RILPL1: variants seen among roughly 807,000 people sequenced by gnomAD.
RILPL1 encodes the protein RILP-like protein 1.
Under a neutral mutation model 50.3 loss-of-function variants are expected in RILPL1, and 33 were observed. The ratio of observed to expected loss-of-function variants is 0.66; its 90% confidence interval spans 0.50 to 0.88. RILPL1 has a LOEUF of 0.88. RILPL1 is among the 40% of genes least tolerant of loss of function. The pLI, the probability that RILPL1 is intolerant of heterozygous loss-of-function variation, is 0.00. For missense variants in RILPL1, 418 were observed against 542.5 expected, an observed-to-expected ratio of 0.77 and a Z score of 2.28; for synonymous variants, 205 against 228.6, an observed-to-expected ratio of 0.90 and a Z score of 0.93.
At chr12:123,501,759 C>CA (rs71088919) in intron 2 of RILPL1, among the ~76,000 whole-genome samples, 303 of 110,756 alleles carry the variant, frequency 2.7e-3, no homozygotes, top group African/African-American at 9.8e-3. Context: ...GACTCTGTCT[C>CA]AAAAAAAAAA....
At chr12:123,521,609 AC>A (rs1885029988) in intron 2 of RILPL1, among the ~76,000 whole-genome samples, 2 of 53,696 alleles carry the variant, frequency 3.7e-5, no homozygotes, top group African/African-American at 8.3e-5. Context: ...ATATATATAC[AC>A]ACATATGTGT....
chr12:123,513,592 C>T (rs972270539), intron 2 of RILPL1: 10 of 176,138 alleles, frequency 5.7e-5, no homozygotes, highest in African/African-American at 1.7e-4. Context: ...GGCCTGTGCA[C>T]GCTTCATCGA....
intron 2 of RILPL1, among the ~76,000 whole-genome samples, chr12:123,514,948 A>G (rs79029015): frequency 6.6e-6 from 1 of 150,856 alleles, no homozygotes. Flanking sequence ...TTTTTTTTTA[A>G]GAGACAGGGT....
chr12:123,478,429 G>A (rs1008247118), intron 6 of RILPL1, among the ~76,000 whole-genome samples: 2 of 152,032 alleles, frequency 1.3e-5, no homozygotes, highest in Non-Finnish European at 2.9e-5. Context: ...GTTTTGGCCC[G>A]AAGTTTGTCT....
Position 123,487,598 on chromosome 12 carries a change from C to T in RILPL1, c.802-1793G>A, listed in dbSNP as rs532487368. 1.5e-4 allele frequency among the ~76,000 whole-genome samples: 23 copies of T among 152,306 alleles called. No individual in the cohort carries two copies. The South Asian group carries it at 4.3e-3, about 29-fold the overall frequency. ...CTGGGATTACAGGGGTGGGCCACCC[C>T]GCCAGCTCACTTCACTCCTTTTGAT... On this transcript the variant is annotated intron_variant, in intron 4 of 6. Coordinates refer to ENST00000376874, the MANE Select transcript of RILPL1 (RefSeq NM_178314.5).
chr12:123,473,636 C>T (rs548037412), intron 6 of RILPL1: 107 of 152,028 alleles, frequency 7.0e-4, no homozygotes, highest in African/African-American at 2.4e-3. Flanking sequence ...GCCTTTAGGC[C>T]GTATCACTGT....
chr12:123,502,160 T>G (rs1018563318), intron 2 of RILPL1, among the ~76,000 whole-genome samples: 1 of 151,808 alleles, frequency 6.6e-6, no homozygotes, highest in Non-Finnish European at 1.5e-5. Flanking sequence ...TAGTAAACTA[T>G]GTGTATTCAG....
At chr12:123,525,700 C>CAAAAA (rs1207503097) in intron 1 of RILPL1, among the ~76,000 whole-genome samples, 24 of 44,972 alleles carry the variant, frequency 5.3e-4, no homozygotes, top group South Asian at 2.5e-3. Context: ...GACACTGTCT[C>CAAAAA]AAAAAAAAAA....
At chr12:123,512,801 G>A (rs1226819999) in intron 2 of RILPL1, among the ~76,000 whole-genome samples, 18 of 146,114 alleles carry the variant, frequency 1.2e-4, no homozygotes, top group Non-Finnish European at 2.6e-4. Flanking sequence ...TTGTGTGTGT[G>A]TGTGGTGTGA....
At chr12:123,510,257 C>T (rs1884005146) in intron 2 of RILPL1, among the ~76,000 whole-genome samples, 1 of 152,232 alleles carries the variant, frequency 6.6e-6, no homozygotes, top group South Asian at 2.1e-4. Flanking sequence ...TCTCTCCTCT[C>T]TATGCCCCAG....
At position 123,498,856 on chromosome 12, in the gene RILPL1, C is replaced by G; in HGVS notation, c.580-91G>C. On this transcript the variant is annotated intron_variant, in intron 3 of 6. Coordinates refer to ENST00000376874, the MANE Select transcript of RILPL1 (RefSeq NM_178314.5). The surrounding 1 kb of genome is among the most constrained non-coding windows in gnomAD (Gnocchi z 4.3). ...AACGGCAAACCATCCATAGGTGTGC[C>G]ATTTACATTGCAGACATCTTTGTTT... is the stretch of plus-strand genomic sequence containing the variant. 1 of 1,167,368 alleles carries G rather than the reference C, an allele frequency of 8.6e-7. No homozygotes were observed. Among genetic ancestry groups the G allele is most frequent in the East Asian group, 2.4e-5 (1 of 42,490 alleles). 72.3% of individuals were successfully genotyped at this position (1,167,368 alleles called of 1,614,324 possible).
chr12:123,475,718 G>T, intron 6 of RILPL1: 1 of 1,593,170 alleles, frequency 6.3e-7, no homozygotes, highest in Non-Finnish European at 8.5e-7. Flanking sequence ...TATCAGTCCC[G>T]CTGCTACCAT....
chr12:123,482,102 G>C (rs1055125310), intron 6 of RILPL1, among the ~76,000 whole-genome samples: 1 of 151,290 alleles, frequency 6.6e-6, no homozygotes, highest in Non-Finnish European at 1.5e-5. Flanking sequence ...TTGAACTTCT[G>C]ACCTCATGAT....
chr12:123,521,458 CTTTTCCT>C (rs1385092968), intron 2 of RILPL1, among the ~76,000 whole-genome samples: 1 of 150,652 alleles, frequency 6.6e-6, no homozygotes, highest in Non-Finnish European at 1.5e-5. Context: ...CTGGATCAAA[CTTTTCCT>C]TTTTCCTTGG....
intron 2 of RILPL1, among the ~76,000 whole-genome samples, chr12:123,514,903 T>C (rs1292150890): frequency 6.6e-6 from 1 of 151,774 alleles, no homozygotes; most frequent in Non-Finnish European, 1.5e-5. Flanking sequence ...AATTAAAAAA[T>C]AGACAATCCA....
intron 6 of RILPL1, chr12:123,475,799 A>G: frequency 8.0e-7 from 1 of 1,244,366 alleles, no homozygotes; most frequent in Non-Finnish European, 1.1e-6. Context: ...AACGGGAGGC[A>G]TGAAAAAGAA....
In RILPL1 at chr12:123,527,749, TA is replaced by T. The variant is rs754108680; in HGVS notation, c.310-4105del. Among the ~76,000 whole-genome samples, 70 of 152,096 alleles carry T rather than the reference TA, an allele frequency of 4.6e-4. 1 individual carries two copies. Among genetic ancestry groups the T allele is most frequent in the Middle Eastern group, 6.8e-3 (2 of 294 alleles). On this transcript the variant is annotated intron_variant, in intron 1 of 6. Coordinates refer to ENST00000376874, the MANE Select transcript of RILPL1 (RefSeq NM_178314.5). ...GGCCGATGTCATGCCAGGGTCTTCG[TA>T]AGAGGAAGGCAGGTCAGCGTTAGAG...
chr12:123,512,247 T>C (rs1884354231), intron 2 of RILPL1, among the ~76,000 whole-genome samples: 1 of 118,034 alleles, frequency 8.5e-6, no homozygotes, highest in African/African-American at 3.3e-5. Context: ...GTGTGCAGTG[T>C]GTGTGTATCT....
intron 2 of RILPL1, among the ~76,000 whole-genome samples, chr12:123,520,884 A>G (rs1884978188): frequency 1.3e-5 from 2 of 152,132 alleles, no homozygotes; most frequent in Non-Finnish European, 2.9e-5. Context: ...GGATCAATCC[A>G]TGGTGCGCGT....
Sources: gnomAD v4.1 joint callset for allele counts (sites outside exome capture counted in the v4.1 genomes callset) on GRCh38, gnomAD v4.1.1 for gene constraint, Gnocchi (gnomAD v3.1) non-coding constraint, MANE v1.5 for transcripts, NCBI Gene and HGNC (gene_info 2026-07-23, HGNC 2026-07-21) for gene names.